Variants in ATP8A2 observed in about 807,000 individuals in gnomAD.
The protein encoded by ATP8A2 is phospholipid-transporting ATPase IB.
ATP8A2 carries 100 observed loss-of-function variants against 165.6 expected under a neutral mutation model. The observed-to-expected ratio is 0.60, with a 90% CI of 0.51 to 0.71. The LOEUF is 0.71. ATP8A2 is among the 30% of genes least tolerant of loss of function. ATP8A2 has a pLI of 0.00. For synonymous variants in ATP8A2, 543 were observed against 548.8 expected, an observed-to-expected ratio of 0.99 and a Z score of 0.15; for missense variants, 1,227 against 1,479.5, an observed-to-expected ratio of 0.83 and a Z score of 2.80.
At chr13:25,574,723 A>G (rs1342827986) in intron 18 of ATP8A2, 85 bp from the exon 19 acceptor site, 10 of 809,576 alleles carry the variant, frequency 1.2e-5, no homozygotes, top group South Asian at 4.2e-5. Flanking sequence ...GAGAGCATAT[A>G]TATGTCTGTT....
At chr13:25,421,078 A>G (rs956952742) in intron 1 of ATP8A2, among the ~76,000 whole-genome samples, 1 of 152,238 alleles carries the variant, frequency 6.6e-6, no homozygotes, top group African/African-American at 2.4e-5. Context: ...GTGTGATATA[A>G]TTCTAGATCA....
At chr13:25,466,782 C>G (rs935625958) in intron 1 of ATP8A2, among the ~76,000 whole-genome samples, 2 of 152,168 alleles carry the variant, frequency 1.3e-5, no homozygotes, top group South Asian at 4.1e-4. Flanking sequence ...CCACTTTGAC[C>G]ACGCACTGTT....
intron 27 of ATP8A2, among the ~76,000 whole-genome samples, chr13:25,810,180 C>T (rs975378373): frequency 1.3e-5 from 2 of 152,192 alleles, no homozygotes; most frequent in Non-Finnish European, 2.9e-5. Flanking sequence ...TCTCTCTGAA[C>T]GAGGCTTCTT....
chr13:25,375,610 G>C (rs2032593430), intron 1 of ATP8A2, among the ~76,000 whole-genome samples: 1 of 151,414 alleles, frequency 6.6e-6, no homozygotes, highest in African/African-American at 2.4e-5. Context: ...TTTTGAGCCT[G>C]TCGTCAGGCT....
chr13:25,810,506 A>G (rs886947059), intron 27 of ATP8A2, among the ~76,000 whole-genome samples: 1 of 151,016 alleles, frequency 6.6e-6, no homozygotes, highest in African/African-American at 2.4e-5. Flanking sequence ...GGCAGAGAAC[A>G]TCTGTCTTTT....
At chr13:25,590,452 A>T (rs1380537999) in intron 24 of ATP8A2, among the ~76,000 whole-genome samples, 1 of 152,188 alleles carries the variant, frequency 6.6e-6, no homozygotes. Flanking sequence ...TTCGTATAGT[A>T]ATAGGATACA....
intron 33 of ATP8A2, among the ~76,000 whole-genome samples, chr13:25,866,397 C>T (rs1952509779): frequency 6.6e-6 from 1 of 152,122 alleles, no homozygotes; most frequent in Admixed American, 6.5e-5. Context: ...CTTCTTTTTC[C>T]TGGAGTGATG....
chr13:25,635,396 A>T (rs2041344788), intron 24 of ATP8A2, among the ~76,000 whole-genome samples: 1 of 152,202 alleles, frequency 6.6e-6, no homozygotes, highest in African/African-American at 2.4e-5. Context: ...CAGGCTGTGT[A>T]AATGAATGTC....
chr13:25,662,057 C>G (rs558142672), intron 24 of ATP8A2, among the ~76,000 whole-genome samples: 1 of 152,156 alleles, frequency 6.6e-6, no homozygotes. Context: ...CTTTCTAGCT[C>G]TCTGACCAGG....
At chr13:25,420,774 A>T (rs1458538145) in intron 1 of ATP8A2, among the ~76,000 whole-genome samples, 1 of 152,230 alleles carries the variant, frequency 6.6e-6, no homozygotes, top group Admixed American at 6.5e-5. Flanking sequence ...TTTCCGGAAT[A>T]TTGATGGTAG....
chr13:25,858,614 T>C (rs774681406), intron 30 of ATP8A2, among the ~76,000 whole-genome samples: 2 of 152,062 alleles, frequency 1.3e-5, no homozygotes, highest in Non-Finnish European at 2.9e-5. Flanking sequence ...TTTAGGAAAA[T>C]AAATAGATAT....
chr13:25,654,240 C>T (rs995299403), intron 24 of ATP8A2, among the ~76,000 whole-genome samples: 2 of 152,056 alleles, frequency 1.3e-5, no homozygotes, highest in Non-Finnish European at 1.5e-5. Flanking sequence ...GGGTCTCACT[C>T]TATTACCCAG....
chr13:25,576,652 G>A (rs2039627033), intron 19 of ATP8A2, among the ~76,000 whole-genome samples: 1 of 152,144 alleles, frequency 6.6e-6, no homozygotes, highest in African/African-American at 2.4e-5. Context: ...GATGACACAG[G>A]GAGGAGCTTC....
At chr13:25,610,078 A>G (rs4421843) in intron 24 of ATP8A2, among the ~76,000 whole-genome samples, 126,064 of 152,078 alleles carry the variant, frequency 0.83, 53,230 homozygotes, top group African/African-American at 0.91. Context: ...TGTTTACTCT[A>G]CTAATTGTTT....
chr13:25,780,623 A>G (rs1016243444), intron 27 of ATP8A2, among the ~76,000 whole-genome samples: 18 of 152,142 alleles, frequency 1.2e-4, no homozygotes, highest in Admixed American at 1.1e-3. Flanking sequence ...GAGATTCCCA[A>G]CCTTTCTGGC....
intron 1 of ATP8A2, among the ~76,000 whole-genome samples, chr13:25,437,913 G>T (rs896215898): frequency 1.3e-5 from 2 of 152,124 alleles, no homozygotes; most frequent in Non-Finnish European, 2.9e-5. Flanking sequence ...CTCCAATTTG[G>T]ATATAATACT....
chr13:25,904,467 G>A (rs1322746884), intron 33 of ATP8A2, among the ~76,000 whole-genome samples: 1 of 152,166 alleles, frequency 6.6e-6, no homozygotes, highest in Non-Finnish European at 1.5e-5. Flanking sequence ...TGCCCCAGGG[G>A]CCTTTTGGCC....
At chr13:25,956,327 A>G (rs1350162880) in intron 33 of ATP8A2, among the ~76,000 whole-genome samples, 1 of 152,224 alleles carries the variant, frequency 6.6e-6, no homozygotes, top group Non-Finnish European at 1.5e-5. Flanking sequence ...AAGAAGTCAG[A>G]TTGTCTCTGT....
In ATP8A2 at chr13:25,574,795, T is replaced by C. The variant is rs772811887; in HGVS notation, c.1663-13T>C. ...TTTGCACCTCGGTTAAGAGCCTATTTTTCTTCCTTTAGATGGGACAGGAAC... is the reference window on the plus strand; with the variant it reads ...TTTGCACCTCGGTTAAGAGCCTATTCTTCTTCCTTTAGATGGGACAGGAAC... On this transcript the variant is annotated splice_polypyrimidine_tract_variant and intron_variant, in intron 18 of 36. Coordinates refer to ENST00000381655, the MANE Select transcript of ATP8A2 (RefSeq NM_016529.6). 6.5e-7 allele frequency: 1 copy of C among 1,527,990 alleles called. No homozygotes were observed. Among genetic ancestry groups the C allele is most frequent in the East Asian group, 2.2e-5 (1 of 44,702 alleles). The allele number at this position is 1,527,990 out of a possible 1,614,324, so 94.7% of individuals were successfully genotyped here.
Sources: allele counts gnomAD v4.1 joint callset (sites outside exome capture counted in the v4.1 genomes callset), GRCh38; gene constraint gnomAD v4.1.1; transcripts MANE v1.5; gene names NCBI Gene and HGNC (gene_info 2026-07-23, HGNC 2026-07-21).